The following CLSTN2 variants were observed in gnomAD, a reference collection of about 807,000 sequenced individuals.
CLSTN2 encodes calsyntenin-2.
CLSTN2 carries 48 observed loss-of-function variants against 101.2 expected under a neutral mutation model. The observed-to-expected ratio is 0.47, with a 90% confidence interval of 0.38 to 0.60. The LOEUF is 0.60. Among genes scored for constraint, CLSTN2 ranks in the 20% least tolerant of loss-of-function variants. CLSTN2 has a pLI of 0.00. For missense variants in CLSTN2, 1,160 were observed against 1,238.2 expected, an observed-to-expected ratio of 0.94 and a Z score of 0.95; for synonymous variants, 481 against 463.6, an observed-to-expected ratio of 1.04 and a Z score of -0.48.
Position 140,407,085 on chromosome 3 carries a change from T to C in CLSTN2, c.637+2319T>C, listed in dbSNP as rs566684167. On this transcript the variant is annotated intron_variant, in intron 4 of 16. Coordinates refer to ENST00000458420, the MANE Select transcript of CLSTN2 (RefSeq NM_022131.3). ...GGAGTGTGGGCCCCTGACAGCGAGG[T>C]GTACAGAAGCAGTCCTCCAGGTAAT... is the stretch of plus-strand genomic sequence containing the variant. Among the ~76,000 whole-genome samples, 6 of 152,110 alleles carry C rather than the reference T, an allele frequency of 3.9e-5. No homozygotes were observed. The South Asian group carries it at 1.2e-3, about 32-fold the overall frequency.
At chr3:140,048,780 T>C (rs2007932451) in intron 1 of CLSTN2, among the ~76,000 whole-genome samples, 1 of 152,116 alleles carries the variant, frequency 6.6e-6, no homozygotes, top group South Asian at 2.1e-4. Context: ...CCAGGTGCAC[T>C]TGTACTGAGG....
intron 2 of CLSTN2, among the ~76,000 whole-genome samples, chr3:140,270,534 T>C (rs865988454): frequency 6.6e-6 from 1 of 152,144 alleles, no homozygotes; most frequent in Non-Finnish European, 1.5e-5. Flanking sequence ...TGGCCGCAAC[T>C]CTAGTGCCTC....
intron 2 of CLSTN2, among the ~76,000 whole-genome samples, chr3:140,275,904 A>T (rs1286295393): frequency 1.3e-5 from 2 of 152,112 alleles, no homozygotes; most frequent in East Asian, 3.9e-4. Context: ...GTTATGCTTG[A>T]TCTTGAAGGG....
At chr3:140,197,542 C>G (rs1462785683) in intron 2 of CLSTN2, among the ~76,000 whole-genome samples, 6 of 152,134 alleles carry the variant, frequency 3.9e-5, no homozygotes, top group Non-Finnish European at 8.8e-5. Context: ...TGTTAGAGTG[C>G]AGTTCACATA....
chr3:140,222,065 C>G (rs909732963), intron 2 of CLSTN2, among the ~76,000 whole-genome samples: 3 of 145,872 alleles, frequency 2.1e-5, no homozygotes, highest in African/African-American at 7.6e-5. Flanking sequence ...TTGGAAGCAA[C>G]CTAGATGTCC....
chr3:140,494,487 A>G (rs541774131), intron 8 of CLSTN2, among the ~76,000 whole-genome samples: 13 of 152,320 alleles, frequency 8.5e-5, no homozygotes, highest in African/African-American at 2.6e-4. Context: ...TCTGGGGTAC[A>G]TGTGCAGGAT....
intron 2 of CLSTN2, among the ~76,000 whole-genome samples, chr3:140,329,870 T>C (rs766438188): frequency 1.3e-5 from 2 of 152,232 alleles, no homozygotes; most frequent in Non-Finnish European, 1.5e-5. Context: ...AAAAGTTAAG[T>C]AATTCAATGT....
intron 5 of CLSTN2, among the ~76,000 whole-genome samples, chr3:140,423,135 T>C (rs775724654): frequency 4.6e-5 from 7 of 152,236 alleles, no homozygotes; most frequent in Non-Finnish European, 1.0e-4. Flanking sequence ...CACCTACAGA[T>C]GTGTGATTAC....
At chr3:140,429,793 G>T (rs1025915603) in intron 5 of CLSTN2, among the ~76,000 whole-genome samples, 1 of 152,258 alleles carries the variant, frequency 6.6e-6, no homozygotes, top group East Asian at 1.9e-4. Context: ...CCAAACTCAA[G>T]TTAAAGTGGG....
intron 6 of CLSTN2, among the ~76,000 whole-genome samples, chr3:140,457,077 A>G (rs905382030): frequency 1.1e-4 from 16 of 152,344 alleles, no homozygotes; most frequent in Middle Eastern, 3.4e-3. Context: ...AGCCAAAAAA[A>G]GGACCCTCTG....
chr3:140,453,654 A>T (rs1933307884), intron 6 of CLSTN2, among the ~76,000 whole-genome samples: 1 of 152,228 alleles, frequency 6.6e-6, no homozygotes, highest in African/African-American at 2.4e-5. Flanking sequence ...TTTGAATGGT[A>T]GATTTGCTAA....
intron 1 of CLSTN2, among the ~76,000 whole-genome samples, chr3:140,111,593 A>G (rs1342867642): frequency 6.6e-6 from 1 of 152,030 alleles, no homozygotes; most frequent in African/African-American, 2.4e-5. Context: ...TTGGGTGCAG[A>G]TCTCTTTCTT....
chr3:140,066,961 G>C (rs1266248046), intron 1 of CLSTN2, among the ~76,000 whole-genome samples: 1 of 152,194 alleles, frequency 6.6e-6, no homozygotes, highest in African/African-American at 2.4e-5. Flanking sequence ...TTTAATCAGA[G>C]CAAGAGATGA....
At chr3:140,021,314 A>G (rs1341740037) in intron 1 of CLSTN2, among the ~76,000 whole-genome samples, 1 of 152,244 alleles carries the variant, frequency 6.6e-6, no homozygotes, top group Non-Finnish European at 1.5e-5. Context: ...GCTTCACTCC[A>G]GCACAGAGCC....
rs187368893 is a variant in CLSTN2 at position 140,287,308 on chromosome 3, T to C, written c.232+111235T>C. 8.9e-4 allele frequency among the ~76,000 whole-genome samples: 136 copies of C among 152,268 alleles called. 1 individual carries two copies. Among genetic ancestry groups the C allele is most frequent in the African/African-American group, 3.0e-3 (124 of 41,570 alleles). On this transcript the variant is annotated intron_variant, in intron 2 of 16. Transcript: ENST00000458420. ...CACATCGCATATGATTCCATTTATA[T>C]GAAATTCTAGAAAATGCAAACTTAT...
chr3:140,117,172 A>G (rs1485859010), intron 1 of CLSTN2, among the ~76,000 whole-genome samples: 1 of 152,058 alleles, frequency 6.6e-6, no homozygotes, highest in Admixed American at 6.6e-5. Flanking sequence ...GGCAGTTAGC[A>G]TTCCTCTGCC....
Position 140,090,311 on chromosome 3 carries a change from G to A in CLSTN2, c.110-85640G>A, listed in dbSNP as rs1437355583. ...ATTAGGCTGATGCCCTTTGGATTTA[G>A]GTGGTTTTTGATTAAGGTGAATTTT... On this transcript the variant is annotated intron_variant, in intron 1 of 16. Transcript: ENST00000458420. 2.0e-5 allele frequency among the ~76,000 whole-genome samples: 3 copies of A among 152,102 alleles called. No individual in the cohort carries two copies. In the East Asian group the frequency reaches 5.8e-4, roughly 30 times the overall value.
chr3:140,521,805 C>T (rs1309604663), intron 8 of CLSTN2, among the ~76,000 whole-genome samples: 2 of 152,212 alleles, frequency 1.3e-5, no homozygotes, highest in East Asian at 3.9e-4. Flanking sequence ...CAGCCTGTCA[C>T]TTGTGGCTCA....
At chr3:140,211,518 CA>C (rs1278814011) in intron 2 of CLSTN2, among the ~76,000 whole-genome samples, 2 of 133,088 alleles carry the variant, frequency 1.5e-5, no homozygotes, top group African/African-American at 2.9e-5. Flanking sequence ...CTGGGGACTC[CA>C]AGGATCAAAA....
Sources: allele counts gnomAD v4.1 joint callset (sites outside exome capture counted in the v4.1 genomes callset), GRCh38; gene constraint gnomAD v4.1.1; transcripts MANE v1.5; gene names NCBI Gene and HGNC (gene_info 2026-07-23, HGNC 2026-07-21).